The following GABRA5 variants were observed in gnomAD, a reference collection of about 807,000 sequenced individuals.
GABRA5 encodes the protein gamma-aminobutyric acid type A receptor subunit alpha5, also known as gamma-aminobutyric acid receptor subunit alpha-5.
A neutral mutation model predicts 47.3 loss-of-function variants in GABRA5; 18 were observed. The observed-to-expected ratio is 0.38, with a 90% CI of 0.26 to 0.56. GABRA5 has a LOEUF of 0.56. GABRA5 is among the 20% of genes least tolerant of loss of function. The pLI, the probability that GABRA5 is intolerant of heterozygous loss-of-function variation, is 0.71. For synonymous variants in GABRA5, 237 were observed against 229.3 expected, an observed-to-expected ratio of 1.03 and a Z score of -0.30; for missense variants, 365 against 599.3, an observed-to-expected ratio of 0.61 and a Z score of 4.08.
chr15:26,895,698 A>C (rs745970828), intron 6 of GABRA5, among the ~76,000 whole-genome samples: 5 of 151,856 alleles, frequency 3.3e-5, no homozygotes, highest in Non-Finnish European at 5.9e-5. Context: ...CTGTAATCCC[A>C]GCTACTCGGG....
intron 2 of GABRA5, 52 bp downstream of exon 2, chr15:26,868,845 A>G (rs868637019): frequency 9.1e-5 from 15 of 165,194 alleles, no homozygotes; most frequent in Non-Finnish European, 1.6e-4. Context: ...AGTCGCTCAG[A>G]TAACTACAGC....
rs1251145268 is a variant in GABRA5 at position 26,867,461 on chromosome 15, CG to C, written c.-140+352del. 1.3e-5 allele frequency: 2 copies of C among 152,040 alleles called. No individual in the cohort carries two copies. The highest frequency in any genetic ancestry group is 4.8e-5 in the African/African-American group (2 of 41,370). The allele number at this position is 152,040 out of a possible 1,614,324, so 9.4% of individuals were successfully genotyped here. A position where few individuals can be genotyped will look rare whatever the true frequency, so the allele number is the denominator to read the frequency against. ...GGGAAGAGGACCGGCCGCCCCGGCTCGGTCCGCACCCTTCTCCTCGGGGCGC... is the reference window on the plus strand; with the variant it reads ...GGGAAGAGGACCGGCCGCCCCGGCTCGTCCGCACCCTTCTCCTCGGGGCGC... On this transcript the variant is annotated intron_variant, in intron 1 of 10. Transcript: ENST00000335625. The surrounding 1 kb of genome is among the most constrained non-coding windows in gnomAD (Gnocchi z 5.9).
chr15:26,924,708 C>T (rs1382369272), intron 7 of GABRA5, among the ~76,000 whole-genome samples: 1 of 152,104 alleles, frequency 6.6e-6, no homozygotes, highest in Non-Finnish European at 1.5e-5. Flanking sequence ...GGCAGGGCCA[C>T]GTTTTTTGGG....
chr15:26,880,043 T>C (rs541916089), intron 3 of GABRA5, among the ~76,000 whole-genome samples: 1 of 152,344 alleles, frequency 6.6e-6, no homozygotes, highest in East Asian at 1.9e-4. Flanking sequence ...CTTCTGGGCT[T>C]GTGGTCTCTC....
chr15:26,903,776 A>C (rs12908380), intron 6 of GABRA5, among the ~76,000 whole-genome samples: 1 of 151,460 alleles, frequency 6.6e-6, no homozygotes, highest in Admixed American at 6.6e-5. Context: ...GTCTGTTCAC[A>C]TGCTTTGCTC....
chr15:26,912,285 A>T (rs894510373), intron 6 of GABRA5, among the ~76,000 whole-genome samples: 1 of 152,216 alleles, frequency 6.6e-6, no homozygotes, highest in Non-Finnish European at 1.5e-5. Context: ...GAAATTCTAG[A>T]TATTTTCAGA....
At chr15:26,901,577 C>G (rs1893328472) in intron 6 of GABRA5, among the ~76,000 whole-genome samples, 1 of 152,098 alleles carries the variant, frequency 6.6e-6, no homozygotes, top group Admixed American at 6.6e-5. Context: ...TATATGCCTT[C>G]TGCAAATATT....
At chr15:26,926,391 G>A (rs1441485851) in intron 7 of GABRA5, among the ~76,000 whole-genome samples, 1 of 152,134 alleles carries the variant, frequency 6.6e-6, no homozygotes, top group Non-Finnish European at 1.5e-5. Context: ...GGAATTATAA[G>A]TGATGAGCCA....
intron 7 of GABRA5, among the ~76,000 whole-genome samples, chr15:26,916,701 A>G (rs1893724135): frequency 6.6e-6 from 1 of 152,116 alleles, no homozygotes; most frequent in African/African-American, 2.4e-5. Flanking sequence ...TTCATCCATG[A>G]ACGAGTGGCA....
chr15:26,943,148 T>TGG (rs1307213714), intron 9 of GABRA5, 67 bp from the exon 10 acceptor site: 10 of 1,124,202 alleles, frequency 8.9e-6, no homozygotes, highest in Non-Finnish European at 1.0e-5. Flanking sequence ...CATGTTGTAC[T>TGG]GGGGTCCTGG....
At chr15:26,898,006 A>G (rs1893240389) in intron 6 of GABRA5, among the ~76,000 whole-genome samples, 1 of 152,218 alleles carries the variant, frequency 6.6e-6, no homozygotes, top group African/African-American at 2.4e-5. Context: ...TCATTCACAG[A>G]AACTCCAGAT....
chr15:26,920,180 T>G (rs1893810591), intron 7 of GABRA5, among the ~76,000 whole-genome samples: 1 of 151,854 alleles, frequency 6.6e-6, no homozygotes, highest in African/African-American at 2.4e-5. Context: ...TAAATAAGCT[T>G]TTGTTGTTGT....
intron 6 of GABRA5, among the ~76,000 whole-genome samples, chr15:26,913,365 G>T (rs1893645545): frequency 6.6e-6 from 1 of 152,070 alleles, no homozygotes; most frequent in Non-Finnish European, 1.5e-5. Flanking sequence ...CCACTGACAT[G>T]TATTTTAGTT....
chr15:26,910,433 C>G (rs1321683112), intron 6 of GABRA5, among the ~76,000 whole-genome samples: 1 of 152,006 alleles, frequency 6.6e-6, no homozygotes, highest in Non-Finnish European at 1.5e-5. Context: ...AAGCCTGTCT[C>G]TACTAAAAAT....
At chr15:26,914,499 G>A (rs549513387) in intron 6 of GABRA5, among the ~76,000 whole-genome samples, 3 of 152,260 alleles carry the variant, frequency 2.0e-5, no homozygotes, top group African/African-American at 7.2e-5. Flanking sequence ...TGCTCAATAA[G>A]GGATAGGAAA....
chr15:26,877,819 A>G, intron 3 of GABRA5: 3 of 354,878 alleles, frequency 8.5e-6, no homozygotes, highest in Non-Finnish European at 1.6e-5. Context: ...GAATTAACCC[A>G]GACTAAAATT....
At chr15:26,917,840 ATT>A (rs1258970214) in intron 7 of GABRA5, among the ~76,000 whole-genome samples, 1 of 152,060 alleles carries the variant, frequency 6.6e-6, no homozygotes, top group East Asian at 1.9e-4. Context: ...TATTCATTTT[ATT>A]GGCATATAAT....
At chr15:26,890,726 A>G (rs1892986625) in intron 6 of GABRA5, among the ~76,000 whole-genome samples, 1 of 152,184 alleles carries the variant, frequency 6.6e-6, no homozygotes, top group Admixed American at 6.5e-5. Flanking sequence ...TGTCTCAATC[A>G]TGTATAACAC....
At chr15:26,937,084 C>T (rs953083297) in intron 7 of GABRA5, 101 bp from the exon 8 acceptor site, 15 of 1,431,870 alleles carry the variant, frequency 1.0e-5, no homozygotes, top group African/African-American at 4.2e-5. Flanking sequence ...ACTTTTCAAA[C>T]GTTCTCATCC....
Sources: allele counts gnomAD v4.1 joint callset (sites outside exome capture counted in the v4.1 genomes callset), GRCh38; gene constraint gnomAD v4.1.1; non-coding constraint Gnocchi (gnomAD v3.1); transcripts MANE v1.5; gene names NCBI Gene and HGNC (gene_info 2026-07-23, HGNC 2026-07-21).